The following RASA3 variants were observed in gnomAD, a reference collection of about 807,000 sequenced individuals.
The protein encoded by RASA3 is RAS p21 protein activator 3.
In RASA3, 73 loss-of-function variants were observed where a neutral mutation model predicts 110.0. The observed-to-expected ratio is 0.66, with a 90% confidence interval of 0.55 to 0.81. The LOEUF (loss-of-function observed/expected upper bound fraction) is 0.81, where lower values mean the gene tolerates loss of function less well. Ranked by LOEUF, RASA3 falls within the 30% of genes least tolerant of loss-of-function variation. The probability of loss-of-function intolerance (pLI) is 0.00; values close to 1 mark genes in which losing one functional copy is unlikely to be tolerated. For synonymous variants in RASA3, 500 were observed against 451.4 expected, an observed-to-expected ratio of 1.11 and a Z score of -1.37; for missense variants, 976 against 1,113.2, an observed-to-expected ratio of 0.88 and a Z score of 1.75.
intron 2 of RASA3, among the ~76,000 whole-genome samples, chr13:114,054,946 A>G (rs1172701412): frequency 6.6e-6 from 1 of 151,510 alleles, no homozygotes; most frequent in Non-Finnish European, 1.5e-5. Context: ...GCCCACAGGC[A>G]TGTGTGTGTG....
At chr13:114,081,006 C>G (rs993120822) in intron 1 of RASA3, among the ~76,000 whole-genome samples, 7 of 146,000 alleles carry the variant, frequency 4.8e-5, no homozygotes, top group African/African-American at 1.9e-4. Context: ...GGCCGTCCAC[C>G]TAGAACACCA....
rs1256768550 is a variant in RASA3, at chr13:114,112,863, C to T, written c.55+19572G>A. On this transcript the variant is annotated intron_variant, in intron 1 of 23. Coordinates refer to ENST00000334062, the MANE Select transcript of RASA3 (RefSeq NM_007368.4). This position sits in a 1 kb window ranked among gnomAD's most constrained non-coding sequence, Gnocchi z 4.8. ...AAGAGAATCCTCAGCAAAAAAGCAA[C>T]ACTCGCCGTTCAGAGAGTGAATGAG... Among the ~76,000 whole-genome samples, 2 of 152,106 alleles carry T rather than the reference C, an allele frequency of 1.3e-5. No homozygotes were observed.
intron 2 of RASA3, among the ~76,000 whole-genome samples, chr13:114,055,955 C>G (rs1010721069): frequency 6.6e-6 from 1 of 152,250 alleles, no homozygotes; most frequent in African/African-American, 2.4e-5. Flanking sequence ...GCACCGATAG[C>G]CAAGCTGCCA....
At chr13:114,059,700 T>A (rs2079304801) in intron 2 of RASA3, among the ~76,000 whole-genome samples, 1 of 152,196 alleles carries the variant, frequency 6.6e-6, no homozygotes, top group Non-Finnish European at 1.5e-5. Flanking sequence ...CCCTGCACAG[T>A]GAGACAAGCA....
At chr13:114,083,490 GC>G (rs2079813786) in intron 1 of RASA3, among the ~76,000 whole-genome samples, 1 of 152,248 alleles carries the variant, frequency 6.6e-6, no homozygotes, top group African/African-American at 2.4e-5. Flanking sequence ...GCAATGGCGT[GC>G]CGTGAAATCA....
intron 5 of RASA3, 36 bp from the exon 6 acceptor site, chr13:114,027,963 C>T (rs371078327): frequency 2.9e-5 from 45 of 1,561,998 alleles, no homozygotes; most frequent in Middle Eastern, 3.4e-4. Flanking sequence ...CAGGAGGGAG[C>T]GCAGACACCT....
At chr13:114,120,519 C>T (rs1421727964) in intron 1 of RASA3, among the ~76,000 whole-genome samples, 5 of 72,582 alleles carry the variant, frequency 6.9e-5, no homozygotes, top group African/African-American at 2.5e-4. Context: ...TCTCTCCAGC[C>T]AGACGTCGGT....
At chr13:114,127,689 C>T (rs2080468613) in intron 1 of RASA3, among the ~76,000 whole-genome samples, 3 of 152,140 alleles carry the variant, frequency 2.0e-5, no homozygotes, top group Non-Finnish European at 4.4e-5. Flanking sequence ...AGGAAGATCC[C>T]TTGAGTCCTG....
At chr13:114,088,003 C>T (rs1043907194) in intron 1 of RASA3, among the ~76,000 whole-genome samples, 14 of 152,104 alleles carry the variant, frequency 9.2e-5, no homozygotes, top group South Asian at 2.1e-4. Flanking sequence ...TGGTGGCGCA[C>T]GCCTGTAGTC....
Position 114,096,267 on chromosome 13 carries a change from G to A in RASA3, c.56-22430C>T, listed in dbSNP as rs963788965. Among the ~76,000 whole-genome samples the A allele has an allele frequency of 6.6e-6, 1 of 152,210 alleles. No individual in the cohort carries two copies. Among genetic ancestry groups the A allele is most frequent in the African/African-American group, 2.4e-5 (1 of 41,458 alleles). On this transcript the variant is annotated intron_variant, in intron 1 of 23. Transcript: ENST00000334062. This position sits in a 1 kb window ranked among gnomAD's most constrained non-coding sequence, Gnocchi z 5.1. ...GAGTCCACGTTCTCGAAAATGCAGGGTGACCCTGGCGCAGGATCGGGTCTG... is the reference window on the plus strand; with the variant it reads ...GAGTCCACGTTCTCGAAAATGCAGGATGACCCTGGCGCAGGATCGGGTCTG...
intron 2 of RASA3, among the ~76,000 whole-genome samples, chr13:114,071,615 C>A (rs2139663314): frequency 6.6e-6 from 1 of 152,236 alleles, no homozygotes; most frequent in East Asian, 1.9e-4. Flanking sequence ...AAGACACTCT[C>A]ATAAAGCCAG....
rs886928980 is a variant in RASA3, at chr13:114,114,978, C to G, written c.55+17457G>C. Among the ~76,000 whole-genome samples the G allele has an allele frequency of 6.6e-6, 1 of 151,396 alleles. No individual in the cohort carries two copies. The highest frequency in any genetic ancestry group is 1.5e-5 in the Non-Finnish European group (1 of 67,744). On this transcript the variant is annotated intron_variant, in intron 1 of 23. Coordinates refer to ENST00000334062, the MANE Select transcript of RASA3 (RefSeq NM_007368.4). The surrounding 1 kb of genome is among the most constrained non-coding windows in gnomAD (Gnocchi z 4.8). Reference sequence around the variant, plus strand: ...CCAGCTGTGAGATGCTGCAGGTTCCCCAGCCCCACCCCCAGCTGTGAGATG... The same window carrying G: ...CCAGCTGTGAGATGCTGCAGGTTCCGCAGCCCCACCCCCAGCTGTGAGATG...
intron 4 of RASA3, among the ~76,000 whole-genome samples, chr13:114,030,499 GAGGGCAAGA>G (rs1566501925): frequency 1.9e-5 from 2 of 106,610 alleles, no homozygotes; most frequent in Admixed American, 1.9e-4. Flanking sequence ...GACTCACACA[GAGGGCAAGA>G]CTCACACAGA....
chr13:114,052,797 A>G (rs9590535), intron 2 of RASA3, among the ~76,000 whole-genome samples: 10,579 of 82,194 alleles, frequency 0.13, 455 homozygotes, highest in African/African-American at 0.24. Context: ...TGCTGACTGT[A>G]CTTAGAGTCC....
chr13:113,999,658 G>C lies in RASA3; in HGVS notation c.1859C>G (p.Pro620Arg), dbSNP rs1334059874. ...FTYHKSKGDQ[P>R]LYSIPIENIL... ...GTTCTCGATGGGAATGCTGTAGAGA[G>C]GCTGGTCCCCTGCAGCAGAGATGGA... The change falls in exon 20 of 24, where the codon CCT (proline) becomes CGT (arginine). Residue 620 changes from proline to arginine, a missense_variant. Physicochemically the swap from Pro to Arg is moderately radical, Grantham distance 103 (BLOSUM62 -2). Around this residue, in one of 4 missense-constraint regions of RASA3, gnomAD observed 109 missense variants for 162.5 expected, o/e 0.67. Coordinates refer to ENST00000334062, the MANE Select transcript of RASA3 (RefSeq NM_007368.4). The C allele has an allele frequency of 6.2e-7, 1 of 1,613,056 alleles. No individual in the cohort carries two copies. The highest frequency in any genetic ancestry group is 8.5e-7 in the Non-Finnish European group (1 of 1,179,672).
chr13:114,035,765 T>G (rs554842203), intron 4 of RASA3: 4 of 152,330 alleles, frequency 2.6e-5, no homozygotes, highest in African/African-American at 9.6e-5. Context: ...GCAGAGGCCA[T>G]GAGGAAGGAA....
chr13:114,012,852 C>T (rs1362930872), intron 15 of RASA3, among the ~76,000 whole-genome samples: 3 of 133,184 alleles, frequency 2.3e-5, no homozygotes, highest in Non-Finnish European at 3.2e-5. Context: ...CACACACTCC[C>T]CACTCACTCC....
At chr13:114,103,134 T>A (rs1227456822) in intron 1 of RASA3, among the ~76,000 whole-genome samples, 1 of 152,156 alleles carries the variant, frequency 6.6e-6, no homozygotes, top group Non-Finnish European at 1.5e-5. Context: ...TGTTGCTGTG[T>A]CTGGCAGAGA....
intron 3 of RASA3, among the ~76,000 whole-genome samples, chr13:114,046,651 T>A (rs955961828): frequency 3.3e-5 from 5 of 152,188 alleles, no homozygotes; most frequent in African/African-American, 1.2e-4. Context: ...GCGTGTCCGA[T>A]GGAAAGCTGC....
Sources: allele counts gnomAD v4.1 joint callset (sites outside exome capture counted in the v4.1 genomes callset), GRCh38; gene constraint gnomAD v4.1.1; regional missense constraint gnomAD v4.1.1; non-coding constraint Gnocchi (gnomAD v3.1); transcripts MANE v1.5; gene names NCBI Gene and HGNC (gene_info 2026-07-23, HGNC 2026-07-21).